Variants in MOSMO observed in about 807,000 individuals in gnomAD.
MOSMO encodes modulator of smoothened protein.
Under a neutral mutation model 18.4 loss-of-function variants are expected in MOSMO, and 5 were observed. The observed-to-expected ratio is 0.27, with a 90% CI of 0.14 to 0.57. The LOEUF (loss-of-function observed/expected upper bound fraction) is 0.57, where lower values mean the gene tolerates loss of function less well. Among genes scored for constraint, MOSMO ranks in the 20% least tolerant of loss-of-function variants. MOSMO has a pLI of 0.92. For missense variants in MOSMO, 138 were observed against 211.8 expected, an observed-to-expected ratio of 0.65 and a Z score of 2.16; for synonymous variants, 82 against 82.3, an observed-to-expected ratio of 1.00 and a Z score of 0.02.
chr16:22,056,629 C>G (rs1490529724), intron 1 of MOSMO, among the ~76,000 whole-genome samples: 2 of 151,844 alleles, frequency 1.3e-5, no homozygotes, highest in Non-Finnish European at 2.9e-5. Flanking sequence ...GGTGATCCGC[C>G]TGCCTCGGCC....
Position 22,008,255 on chromosome 16 carries a change from C to A in MOSMO, c.-47C>A, listed in dbSNP as rs1297609146. ...GGCCCATGGGGCGGGAGGCGTGAGG[C>A]CGCTGCCTGTCCGGGGCTCGGGGGG... is the stretch of plus-strand genomic sequence containing the variant. On this transcript the variant is annotated 5_prime_UTR_variant, in exon 1 of 3. Coordinates refer to ENST00000542527, the MANE Select transcript of MOSMO (RefSeq NM_001164579.2). 3 of 1,319,610 alleles carry A rather than the reference C, an allele frequency of 2.3e-6. No homozygotes were observed. Among genetic ancestry groups the A allele is most frequent in the Admixed American group, 2.2e-5 (1 of 45,124 alleles). 81.7% of individuals were successfully genotyped at this position (1,319,610 alleles called of 1,614,324 possible).
intron 1 of MOSMO, among the ~76,000 whole-genome samples, chr16:22,051,667 C>A (rs1900430239): frequency 6.6e-6 from 1 of 152,176 alleles, no homozygotes; most frequent in African/African-American, 2.4e-5. Flanking sequence ...AAGTGATTCA[C>A]TGAGTTGTGT....
intron 1 of MOSMO, among the ~76,000 whole-genome samples, chr16:22,069,904 A>G (rs1051407003): frequency 2.0e-5 from 3 of 152,200 alleles, no homozygotes; most frequent in Non-Finnish European, 4.4e-5. Flanking sequence ...ACACATTCAA[A>G]CATTTTTGAG....
At chr16:22,048,122 G>A (rs192441739) in intron 1 of MOSMO, among the ~76,000 whole-genome samples, 1 of 152,158 alleles carries the variant, frequency 6.6e-6, no homozygotes, top group Non-Finnish European at 1.5e-5. Context: ...CTGCAGTGTA[G>A]GACTGTGTAG....
chr16:22,056,454 C>T (rs957755006), intron 1 of MOSMO, among the ~76,000 whole-genome samples: 6 of 142,912 alleles, frequency 4.2e-5, no homozygotes, highest in African/African-American at 1.3e-4. Flanking sequence ...TCAACGCAAC[C>T]TCCGCCTCCC....
rs1229504942 is a variant in MOSMO at position 22,060,512 on chromosome 16, G to A, written c.107-14975G>A. 2.6e-5 allele frequency among the ~76,000 whole-genome samples: 4 copies of A among 152,202 alleles called. No individual in the cohort carries two copies. In the East Asian group the frequency reaches 7.7e-4, roughly 29 times the overall value. On this transcript the variant is annotated intron_variant, in intron 1 of 2. Transcript: ENST00000542527. ...TAGAATGGCTAAAACTAGAAAGATT[G>A]AAAATACAAAGTGTTGATGAGTATG...
chr16:22,051,586 C>T (rs1395953650), intron 1 of MOSMO, among the ~76,000 whole-genome samples: 1 of 152,154 alleles, frequency 6.6e-6, no homozygotes, highest in Non-Finnish European at 1.5e-5. Flanking sequence ...TTCCCCCATA[C>T]CTCACCCTAC....
chr16:22,059,576 T>C (rs1349158762), intron 1 of MOSMO, among the ~76,000 whole-genome samples: 6 of 152,154 alleles, frequency 3.9e-5, no homozygotes, highest in African/African-American at 1.2e-4. Context: ...AGGAAACTTA[T>C]AATCATGGCA....
intron 1 of MOSMO, among the ~76,000 whole-genome samples, chr16:22,050,284 A>C (rs972891881): frequency 9.2e-5 from 14 of 152,236 alleles, no homozygotes; most frequent in African/African-American, 1.2e-4. Context: ...AAAATATTAA[A>C]CTAAAAAAAA....
rs117028394 is a variant in MOSMO at position 22,017,394 on chromosome 16, A to T, written c.106+8987A>T. Among the ~76,000 whole-genome samples, 594 of 152,324 alleles carry T rather than the reference A, an allele frequency of 3.9e-3. 2 individuals carry two copies. The highest frequency in any genetic ancestry group is 6.5e-3 in the Non-Finnish European group (445 of 68,032). On this transcript the variant is annotated intron_variant, in intron 1 of 2. Coordinates refer to ENST00000542527, the MANE Select transcript of MOSMO (RefSeq NM_001164579.2). ...TTACCTTTGTGATGGTTTATATAAC[A>T]TGACATTCATGTCTTTTTGGTTGTC...
chr16:22,038,183 G>A (rs1267170004), intron 1 of MOSMO, among the ~76,000 whole-genome samples: 1 of 152,212 alleles, frequency 6.6e-6, no homozygotes, highest in Non-Finnish European at 1.5e-5. Flanking sequence ...TTATTTCACA[G>A]TATAACAAGA....
chr16:22,026,861 G>T lies in MOSMO; in HGVS notation c.106+18454G>T, dbSNP rs142409612. On this transcript the variant is annotated intron_variant, in intron 1 of 2. Coordinates refer to ENST00000542527, the MANE Select transcript of MOSMO (RefSeq NM_001164579.2). The stretch of plus-strand genomic sequence containing the variant: ...TTCTGCTGAGTAAAAATGATAGGAG[G>T]AGTTAAACTGTTCAGGAATTTAGCT... Among the ~76,000 whole-genome samples the T allele has an allele frequency of 7.1e-3, 1,084 of 152,278 alleles. 7 individuals are homozygous for T. The highest frequency in any genetic ancestry group is 0.01 in the Middle Eastern group (3 of 294).
intron 1 of MOSMO, among the ~76,000 whole-genome samples, chr16:22,043,386 G>T (rs1900246904): frequency 6.6e-6 from 1 of 151,862 alleles, no homozygotes; most frequent in Non-Finnish European, 1.5e-5. Context: ...ACACATATAG[G>T]GATTATTTTT....
In MOSMO at chr16:22,083,296, C is replaced by G. The variant is rs1901115520; in HGVS notation, c.*2416C>G. ...TTTAAGGTTTTATTTGTATCTATTA[C>G]CCAAACCATTAAATTGTCTTTAATT... On this transcript the variant is annotated 3_prime_UTR_variant, in exon 3 of 3. Coordinates refer to ENST00000542527, the MANE Select transcript of MOSMO (RefSeq NM_001164579.2). 1 of 154,438 alleles carries G rather than the reference C, an allele frequency of 6.5e-6. No homozygotes were observed. The highest frequency in any genetic ancestry group is 2.4e-5 in the African/African-American group (1 of 41,428). 9.6% of individuals were successfully genotyped at this position (154,438 alleles called of 1,614,324 possible). A position where few individuals can be genotyped will look rare whatever the true frequency, so the allele number is the denominator to read the frequency against.
In MOSMO at chr16:22,008,177, C is replaced by G. The variant is rs1336522608; in HGVS notation, c.-125C>G. The G allele has an allele frequency of 8.9e-6, 2 of 224,532 alleles. No homozygotes were observed. The highest frequency in any genetic ancestry group is 1.5e-5 in the Non-Finnish European group (2 of 137,764). The allele number at this position is 224,532 out of a possible 1,614,324, so 13.9% of individuals were successfully genotyped here. ...GCGCGCGGAGGGCGCGAGCGGCGCGCGGGGGCCGAGGGGGCGCGAGGCAGC... is the reference window on the plus strand; with the variant it reads ...GCGCGCGGAGGGCGCGAGCGGCGCGGGGGGGCCGAGGGGGCGCGAGGCAGC... On this transcript the variant is annotated 5_prime_UTR_variant, in exon 1 of 3. Transcript: ENST00000542527.
intron 1 of MOSMO, among the ~76,000 whole-genome samples, chr16:22,049,355 C>T (rs563664889): frequency 3.9e-5 from 6 of 152,046 alleles, no homozygotes; most frequent in Non-Finnish European, 5.9e-5. Flanking sequence ...TGGTGGTATG[C>T]GCCACCATGC....
chr16:22,044,407 T>C (rs554949444), intron 1 of MOSMO, among the ~76,000 whole-genome samples: 2 of 152,262 alleles, frequency 1.3e-5, no homozygotes, highest in East Asian at 3.9e-4. Context: ...ATAAATTTAT[T>C]TAATCTTCCT....
chr16:22,030,685 C>T (rs1005679833), intron 1 of MOSMO, among the ~76,000 whole-genome samples: 4 of 152,144 alleles, frequency 2.6e-5, no homozygotes, highest in African/African-American at 4.8e-5. Context: ...ATGCTCACCA[C>T]ACCTGGCTAA....
chr16:22,042,293 G>A (rs940099363), intron 1 of MOSMO, among the ~76,000 whole-genome samples: 8 of 151,752 alleles, frequency 5.3e-5, no homozygotes, highest in African/African-American at 1.4e-4. Context: ...AGTTTTTGGT[G>A]GACCCAGTCG....
Sources: allele counts gnomAD v4.1 joint callset (sites outside exome capture counted in the v4.1 genomes callset), GRCh38; gene constraint gnomAD v4.1.1; transcripts MANE v1.5; gene names NCBI Gene and HGNC (gene_info 2026-07-23, HGNC 2026-07-21).